The following ZC3H12B variants were observed in gnomAD, a reference collection of about 807,000 sequenced individuals.
The protein encoded by ZC3H12B is zinc finger CCCH-type containing 12B.
A neutral mutation model predicts 43.9 loss-of-function variants in ZC3H12B; 7 were observed. That is an observed-to-expected ratio of 0.16 (90% CI 0.09 to 0.30). The LOEUF (loss-of-function observed/expected upper bound fraction) is 0.30, where lower values mean the gene tolerates loss of function less well. Among genes scored for constraint, ZC3H12B ranks in the 10% least tolerant of loss-of-function variants. The pLI, the probability that ZC3H12B is intolerant of heterozygous loss-of-function variation, is 1.00. For missense variants in ZC3H12B, 475 were observed against 670.2 expected, an observed-to-expected ratio of 0.71 and a Z score of 3.22; for synonymous variants, 222 against 241.7, an observed-to-expected ratio of 0.92 and a Z score of 0.76.
chrX:65,382,291 G>A (rs1280609501), intron 2 of ZC3H12B, among the ~76,000 whole-genome samples: 77 of 109,518 alleles, frequency 7.0e-4, no homozygotes, highest in African/African-American at 2.4e-3. Context: ...TGCAAGGCTG[G>A]TTCAATATAC....
chrX:65,388,935 G>A (rs1322368180), intron 2 of ZC3H12B, among the ~76,000 whole-genome samples: 1 of 111,834 alleles, frequency 8.9e-6, no homozygotes, highest in Non-Finnish European at 1.9e-5. Context: ...ATCAGCAGTG[G>A]AGGCTGCAGA....
At chrX:65,164,353 T>C in the ZC3H12B span, among the ~76,000 whole-genome samples, 11 of 111,351 alleles carry the variant, frequency 9.9e-5, no homozygotes, top group South Asian at 3.0e-3. Flanking sequence ...TATCAGCTGA[T>C]CCATCAGAAT....
chrX:65,057,202 G>GT, the ZC3H12B span, among the ~76,000 whole-genome samples: 5 of 112,010 alleles, frequency 4.5e-5, no homozygotes, highest in Admixed American at 4.7e-4. Context: ...AATTTGGCAT[G>GT]TTTTTGCAGT....
At chrX:65,359,358 C>T in the ZC3H12B span, among the ~76,000 whole-genome samples, 8 of 111,633 alleles carry the variant, frequency 7.2e-5, no homozygotes, top group African/African-American at 2.3e-4. Flanking sequence ...GCTATGGTTG[C>T]TAGAGATAAT....
chrX:65,303,847 C>T, the ZC3H12B span, among the ~76,000 whole-genome samples: 2 of 112,088 alleles, frequency 1.8e-5, no homozygotes, highest in Non-Finnish European at 3.8e-5. Context: ...TGTGCAAGAC[C>T]TGTACACTGA....
chrX:65,119,962 A>T, the ZC3H12B span, among the ~76,000 whole-genome samples: 5 of 111,279 alleles, frequency 4.5e-5, no homozygotes, highest in Non-Finnish European at 9.4e-5. Context: ...GTTGTAGATA[A>T]GTGGCATTAT....
chrX:65,183,603 T>C, the ZC3H12B span, among the ~76,000 whole-genome samples: 1 of 111,973 alleles, frequency 8.9e-6, no homozygotes, highest in East Asian at 2.8e-4. Flanking sequence ...GGTTGTGGAA[T>C]CAACGTTACA....
At chrX:65,070,544 C>CT in the ZC3H12B span, among the ~76,000 whole-genome samples, 1 of 110,821 alleles carries the variant, frequency 9.0e-6, no homozygotes, top group Non-Finnish European at 1.9e-5. Context: ...AATTTGAGAT[C>CT]TTTTTAACTT....
intron 3 of ZC3H12B, among the ~76,000 whole-genome samples, chrX:65,410,217 G>A (rs2066888104): frequency 1.8e-5 from 2 of 110,092 alleles, no homozygotes; most frequent in African/African-American, 3.3e-5. Context: ...TTGGGGAAAA[G>A]ACAGTCTCTT....
At position 65,407,953 on chromosome X, in the gene ZC3H12B, G is replaced by A; in HGVS notation, n.407+9249G>A. On this transcript the variant is annotated intron_variant and non_coding_transcript_variant, in intron 3 of 5. Coordinates refer to the ZC3H12B transcript ENST00000617377. ...CCGGTACGCCCGGCCTAGCGCGCCT[G>A]CGTGCGTGGCCACCTCGCTCCCCGC... The A allele has an allele frequency of 1.1e-5, 9 of 794,981 alleles. No homozygotes were observed. The South Asian group carries it at 2.2e-4, about 19-fold the overall frequency. The allele number at this position is 794,981 out of a possible 1,213,427, so 65.5% of individuals were successfully genotyped here. A position where few individuals can be genotyped will look rare whatever the true frequency, so the allele number is the denominator to read the frequency against.
chrX:65,411,903 TTAAAATAAAA>T (rs764863481), intron 3 of ZC3H12B, among the ~76,000 whole-genome samples: 14 of 107,261 alleles, frequency 1.3e-4, no homozygotes, highest in Non-Finnish European at 1.9e-4. Context: ...CCACAAAAAT[TTAAAATAAAA>T]TAAAATAAAA....
chrX:65,505,732 C>T (rs929137807), exon 5 of ZC3H12B: 22 of 112,560 alleles, frequency 2.0e-4, no homozygotes, highest in African/African-American at 7.1e-4. Flanking sequence ...GTACAATTTA[C>T]AGAGAAGCAC....
At chrX:65,233,380 T>G in the ZC3H12B span, among the ~76,000 whole-genome samples, 1 of 111,369 alleles carries the variant, frequency 9.0e-6, no homozygotes, top group Non-Finnish European at 1.9e-5. Flanking sequence ...TCAAAAAAAT[T>G]GAAATCATAT....
the ZC3H12B span, among the ~76,000 whole-genome samples, chrX:65,168,286 G>C: frequency 1.8e-5 from 2 of 111,770 alleles, no homozygotes; most frequent in South Asian, 7.5e-4. Flanking sequence ...TACAGCTATT[G>C]ATATAATCAT....
the ZC3H12B span, among the ~76,000 whole-genome samples, chrX:65,200,942 CA>C: frequency 9.0e-6 from 1 of 111,127 alleles, no homozygotes; most frequent in Non-Finnish European, 1.9e-5. Flanking sequence ...TTCGGTTTGC[CA>C]GTATTTTATT....
chrX:65,215,232 A>T, the ZC3H12B span, among the ~76,000 whole-genome samples: 1 of 111,703 alleles, frequency 9.0e-6, no homozygotes, highest in Non-Finnish European at 1.9e-5. Flanking sequence ...TTAGCCCCTA[A>T]CAAGAGTCAT....
chrX:65,495,445 G>A (rs1182948340), intron 1 of ZC3H12B, among the ~76,000 whole-genome samples: 1 of 111,919 alleles, frequency 8.9e-6, no homozygotes, highest in Non-Finnish European at 1.9e-5. Context: ...GTGAGCTAGT[G>A]CCAGTGAGAA....
chrX:65,064,837 G>A, the ZC3H12B span, among the ~76,000 whole-genome samples: 1 of 111,948 alleles, frequency 8.9e-6, no homozygotes, highest in Admixed American at 9.5e-5. Flanking sequence ...TTTATTGGGT[G>A]CATATATATT....
intron 3 of ZC3H12B, among the ~76,000 whole-genome samples, chrX:65,431,408 C>A (rs775800653): frequency 1.8e-5 from 2 of 112,261 alleles, no homozygotes; most frequent in Non-Finnish European, 3.8e-5. Context: ...TTGTTGCTGG[C>A]AGATTGGGGA....
Sources: allele counts gnomAD v4.1 joint callset (sites outside exome capture counted in the v4.1 genomes callset), GRCh38; gene constraint gnomAD v4.1.1; transcripts MANE v1.5; gene names NCBI Gene and HGNC (gene_info 2026-07-23, HGNC 2026-07-21).